Variants in TBX15 observed in about 807,000 individuals in gnomAD.
The protein encoded by TBX15 is T-box transcription factor TBX15.
A neutral mutation model predicts 53.9 loss-of-function variants in TBX15; 18 were observed. That is an observed-to-expected ratio of 0.33 (90% CI 0.23 to 0.49). TBX15 has a LOEUF of 0.49. Among genes scored for constraint, TBX15 ranks in the 20% least tolerant of loss-of-function variants. TBX15 has a pLI of 0.98. For synonymous variants in TBX15, 295 were observed against 278.0 expected, an observed-to-expected ratio of 1.06 and a Z score of -0.61; for missense variants, 692 against 749.5, an observed-to-expected ratio of 0.92 and a Z score of 0.90.
intron 1 of TBX15, among the ~76,000 whole-genome samples, chr1:118,976,756 G>A (rs12126200): frequency 0.011 from 1,647 of 152,106 alleles, 13 homozygotes; most frequent in Non-Finnish European, 0.017. Flanking sequence ...AATTCCTTTC[G>A]TCTTTATTAG....
At chr1:118,989,142 G>A (rs1657953697), upstream of TBX15, among the ~76,000 whole-genome samples, 2 of 152,218 alleles carry the variant, frequency 1.3e-5, no homozygotes, top group African/African-American at 2.4e-5. Context: ...ATGGAGAGGT[G>A]ACAGGCAAGA....
At position 118,885,127 on chromosome 1, in the gene TBX15, A is replaced by G; in HGVS notation, c.1414T>C (p.Phe472Leu). 6.2e-7 allele frequency: 1 copy of G among 1,614,192 alleles called. No individual in the cohort carries two copies. The highest frequency in any genetic ancestry group is 8.5e-7 in the Non-Finnish European group (1 of 1,180,034). ...ACATACTGAAACTGGGAAGTGGGAAAGGACCCCAGCTGGCCACCGTAGGCT... is the reference window on the plus strand; with the variant it reads ...ACATACTGAAACTGGGAAGTGGGAAGGGACCCCAGCTGGCCACCGTAGGCT... ...MEAYGGQLGS[F>L]PTSQFQYVMQ... Residue 472 changes from phenylalanine to leucine, a missense_variant, in exon 8 of 8, where the codon TTT becomes CTT. Physicochemically the swap from Phe to Leu is conservative, Grantham distance 22 (BLOSUM62 0). Transcript: ENST00000369429.
intron 1 of TBX15, among the ~76,000 whole-genome samples, chr1:118,933,920 C>T (rs4142710): frequency 0.16 from 24,403 of 152,042 alleles, 2,921 homozygotes; most frequent in East Asian, 0.54. Context: ...TAGGACCCAA[C>T]AGAAATTTTG....
intron 1 of TBX15, among the ~76,000 whole-genome samples, chr1:118,979,765 G>A (rs1032281047): frequency 1.8e-4 from 27 of 151,928 alleles, no homozygotes; most frequent in Non-Finnish European, 4.4e-5. Context: ...CAGGGTTCCG[G>A]GTCCCGGGTT....
At chr1:118,939,423 A>AAAAG (rs1656081424) in intron 1 of TBX15, among the ~76,000 whole-genome samples, 1 of 118,824 alleles carries the variant, frequency 8.4e-6, no homozygotes, top group African/African-American at 3.4e-5. Context: ...AAAAAAAAAA[A>AAAAG]AAAAAAAAAA....
chr1:118,973,001 C>T (rs979249267), intron 1 of TBX15, among the ~76,000 whole-genome samples: 3 of 152,118 alleles, frequency 2.0e-5, no homozygotes, highest in African/African-American at 7.2e-5. Context: ...TGAGCACTCC[C>T]TAATTTTGCA....
chr1:118,893,485 GGAAAGAAAGAAAGAAAGAAAGAAA>G (rs55891659), intron 7 of TBX15, among the ~76,000 whole-genome samples: 26 of 72,122 alleles, frequency 3.6e-4, no homozygotes, highest in African/African-American at 2.0e-3. Context: ...AAGGAAGGAA[GGAAAGAAAGAAAGAAAGAAAGAAA>G]GAAAGAAAGA....
rs577824081 is a variant in TBX15, at chr1:118,888,776, G to A, written c.1025-3260C>T. Among the ~76,000 whole-genome samples, 7 of 152,248 alleles carry A rather than the reference G, an allele frequency of 4.6e-5. 1 individual carries two copies. In the East Asian group the frequency reaches 1.4e-3, roughly 29 times the overall value. ...GTCCTGTCACAGGTATGTTCTATCA[G>A]GCACTGGTCCTAGCCCTGCAGCAGG... is the stretch of plus-strand genomic sequence containing the variant. On this transcript the variant is annotated intron_variant, in intron 7 of 7. Transcript: ENST00000369429.
chr1:118,912,770 C>T (rs1266106615), intron 6 of TBX15, among the ~76,000 whole-genome samples: 1 of 152,102 alleles, frequency 6.6e-6, no homozygotes, highest in African/African-American at 2.4e-5. Flanking sequence ...AAAATGACGG[C>T]CTTTGTCTTG....
chr1:118,964,767 TG>T (rs1656989274), intron 1 of TBX15, among the ~76,000 whole-genome samples: 2 of 152,272 alleles, frequency 1.3e-5, no homozygotes, highest in African/African-American at 4.8e-5. Context: ...GGCTTATAGC[TG>T]CTTGCAGCCA....
At chr1:118,926,439 C>G (rs1270536627) in intron 3 of TBX15, 71 bp downstream of exon 3, 3 of 1,350,604 alleles carry the variant, frequency 2.2e-6, no homozygotes, top group Non-Finnish European at 3.2e-6. Context: ...ACTATTTCCT[C>G]TAAGGAGTTT....
intron 2 of TBX15, 32 bp from the exon 3 acceptor site, chr1:118,926,643 A>T: frequency 6.3e-7 from 1 of 1,585,026 alleles, no homozygotes; most frequent in African/African-American, 1.3e-5. Flanking sequence ...AAAGCTCAGA[A>T]ATCAGGGTGG....
intron 5 of TBX15, among the ~76,000 whole-genome samples, chr1:118,919,891 CA>C (rs1655365496): frequency 6.6e-6 from 1 of 151,990 alleles, no homozygotes; most frequent in Admixed American, 6.6e-5. Flanking sequence ...ATTTTTATAT[CA>C]AAAAAGTAGG....
intron 1 of TBX15, among the ~76,000 whole-genome samples, chr1:118,953,899 C>T (rs751156880): frequency 1.3e-5 from 2 of 152,158 alleles, no homozygotes; most frequent in Non-Finnish European, 2.9e-5. Context: ...GTGAACTTAA[C>T]GAGAATATTG....
chr1:118,974,797 C>T (rs11584380), intron 1 of TBX15, among the ~76,000 whole-genome samples: 56,433 of 152,100 alleles, frequency 0.37, 11,290 homozygotes, highest in Non-Finnish European at 0.44. Context: ...TCTACCCTAA[C>T]AGCGGGTGTA....
chr1:118,896,835 T>C (rs7550952), intron 7 of TBX15, among the ~76,000 whole-genome samples: 5,130 of 152,242 alleles, frequency 0.034, 252 homozygotes, highest in African/African-American at 0.11. Context: ...TGGTTTTACA[T>C]CCTTTGTTAA....
At chr1:118,899,886 G>C (rs574885918) in intron 6 of TBX15, among the ~76,000 whole-genome samples, 2 of 152,220 alleles carry the variant, frequency 1.3e-5, no homozygotes, top group Admixed American at 1.3e-4. Flanking sequence ...AAGGCTCCTG[G>C]TTCATTTGTA....
At chr1:118,885,628 T>G in intron 7 of TBX15, 112 bp from the exon 8 acceptor site, 5 of 1,345,552 alleles carry the variant, frequency 3.7e-6, no homozygotes, top group Non-Finnish European at 5.2e-6. Flanking sequence ...TAGGGCTGAT[T>G]TTTACAGAAC....
intron 7 of TBX15, among the ~76,000 whole-genome samples, chr1:118,894,625 G>A (rs1347314112): frequency 6.6e-6 from 1 of 151,940 alleles, no homozygotes; most frequent in Non-Finnish European, 1.5e-5. Context: ...GAAGGTTAGA[G>A]ATGTGGACAG....
Sources: allele counts gnomAD v4.1 joint callset (sites outside exome capture counted in the v4.1 genomes callset), GRCh38; gene constraint gnomAD v4.1.1; transcripts MANE v1.5; gene names NCBI Gene and HGNC (gene_info 2026-07-23, HGNC 2026-07-21).